The following ZNF385D variants were observed in gnomAD, a reference collection of about 807,000 sequenced individuals.
ZNF385D encodes the protein zinc finger protein 659.
A neutral mutation model predicts 35.8 loss-of-function variants in ZNF385D; 15 were observed. The ratio of observed to expected loss-of-function variants is 0.42; its 90% CI spans 0.28 to 0.64. ZNF385D has a LOEUF of 0.64. ZNF385D is among the 30% of genes least tolerant of loss of function. The pLI is 0.23. For missense variants in ZNF385D, 474 were observed against 494.6 expected (o/e 0.96, Z 0.39); for synonymous variants, 212 against 186.8 (o/e 1.13, Z -1.10).
chr3:21,458,182 A>G (rs1702938787), intron 4 of ZNF385D, among the ~76,000 whole-genome samples: 1 of 152,038 alleles, frequency 6.6e-6, no homozygotes, highest in South Asian at 2.1e-4. Context: ...TAAGAAACAG[A>G]TGAAGAGGGG....
chr3:21,932,651 G>A (rs1329516712), intron 3 of ZNF385D, among the ~76,000 whole-genome samples: 1 of 151,548 alleles, frequency 6.6e-6, no homozygotes, highest in African/African-American at 2.4e-5. Flanking sequence ...AGTTAAGGAG[G>A]TTAAAAAAAC....
At chr3:21,831,693 T>G (rs2125764729) in intron 3 of ZNF385D, among the ~76,000 whole-genome samples, 1 of 152,274 alleles carries the variant, frequency 6.6e-6, no homozygotes, top group South Asian at 2.1e-4. Context: ...CACTGGGGAG[T>G]TAGATCGCTT....
At chr3:21,846,390 A>C (rs545603555) in intron 3 of ZNF385D, among the ~76,000 whole-genome samples, 4 of 152,044 alleles carry the variant, frequency 2.6e-5, no homozygotes, top group Non-Finnish European at 5.9e-5. Flanking sequence ...TTTAAAAAGC[A>C]CTTTCTCATA....
chr3:21,563,483 C>T (rs188046195), intron 3 of ZNF385D, among the ~76,000 whole-genome samples: 3 of 152,074 alleles, frequency 2.0e-5, no homozygotes, highest in Non-Finnish European at 2.9e-5. Context: ...GTTCTTAAGA[C>T]GAAAGCAAAA....
At chr3:21,942,870 CAT>C (rs907418288) in intron 3 of ZNF385D, among the ~76,000 whole-genome samples, 9 of 152,246 alleles carry the variant, frequency 5.9e-5, no homozygotes, top group African/African-American at 2.2e-4. Flanking sequence ...ATCTAAAAAA[CAT>C]AGGATTTCAC....
chr3:21,482,465 C>T (rs1030553670), intron 4 of ZNF385D, among the ~76,000 whole-genome samples: 4 of 152,158 alleles, frequency 2.6e-5, no homozygotes, highest in Non-Finnish European at 5.9e-5. Flanking sequence ...GGTTTAGAGG[C>T]AACCATTCCC....
chr3:22,040,792 G>C (rs1461429163), intron 3 of ZNF385D, among the ~76,000 whole-genome samples: 2 of 152,096 alleles, frequency 1.3e-5, no homozygotes, highest in African/African-American at 4.8e-5. Context: ...CAAATACATT[G>C]ACAGACTAGA....
At chr3:22,264,629 T>C (rs922001539) in intron 2 of ZNF385D, among the ~76,000 whole-genome samples, 4 of 151,976 alleles carry the variant, frequency 2.6e-5, no homozygotes, top group East Asian at 1.9e-4. Context: ...AATATTAATA[T>C]ATATTTACTT....
chr3:21,508,980 T>C (rs1054851359), intron 4 of ZNF385D, among the ~76,000 whole-genome samples: 2 of 146,274 alleles, frequency 1.4e-5, no homozygotes, highest in African/African-American at 5.1e-5. Flanking sequence ...TTTTTTTTTT[T>C]TTCTTTTTCT....
chr3:21,535,883 T>C (rs163488), intron 3 of ZNF385D, among the ~76,000 whole-genome samples: 122,814 of 151,798 alleles, frequency 0.81, 49,928 homozygotes, highest in East Asian at 0.89. Context: ...CTAGTCACCC[T>C]GAGTTTTCTT....
intron 2 of ZNF385D, among the ~76,000 whole-genome samples, chr3:22,194,001 T>C (rs1196641238): frequency 6.6e-6 from 1 of 151,978 alleles, no homozygotes; most frequent in Non-Finnish European, 1.5e-5. Context: ...CTCATAGCTA[T>C]GACAATTTTT....
chr3:22,204,703 T>C (rs1697028611), intron 2 of ZNF385D, among the ~76,000 whole-genome samples: 1 of 151,888 alleles, frequency 6.6e-6, no homozygotes, highest in African/African-American at 2.4e-5. Context: ...ATTCTGGAAT[T>C]GAAAAATGCA....
At chr3:21,482,194 G>A (rs964975426) in intron 4 of ZNF385D, among the ~76,000 whole-genome samples, 2 of 152,094 alleles carry the variant, frequency 1.3e-5, no homozygotes. Flanking sequence ...CATGGGCTAG[G>A]ACATTCACAT....
At chr3:22,331,074 A>C (rs1347114020) in intron 2 of ZNF385D, among the ~76,000 whole-genome samples, 1 of 152,190 alleles carries the variant, frequency 6.6e-6, no homozygotes, top group Non-Finnish European at 1.5e-5. Context: ...TGCAGCAGGG[A>C]ATGTTTATTG....
chr3:22,182,181 A>G (rs1695325748), intron 2 of ZNF385D, among the ~76,000 whole-genome samples: 1 of 152,210 alleles, frequency 6.6e-6, no homozygotes, highest in African/African-American at 2.4e-5. Context: ...TATTATGCAT[A>G]AATACATAAC....
intron 2 of ZNF385D, among the ~76,000 whole-genome samples, chr3:22,228,229 C>T (rs1559465634): frequency 6.6e-6 from 1 of 152,180 alleles, no homozygotes; most frequent in African/African-American, 2.4e-5. Flanking sequence ...AGATGTAATG[C>T]TAATAAAGGC....
At chr3:22,343,696 C>A (rs763338135) in intron 2 of ZNF385D, among the ~76,000 whole-genome samples, 9 of 152,222 alleles carry the variant, frequency 5.9e-5, no homozygotes, top group South Asian at 4.1e-4. Flanking sequence ...TAATAAATTT[C>A]CATCCTGATT....
In ZNF385D at chr3:21,414,316, G is replaced by A. The variant is rs1302085327; in HGVS notation, c.*6898C>T. On this transcript the variant is annotated 3_prime_UTR_variant, in exon 8 of 8. Transcript: ENST00000281523. ...ACTATGACTAAAAATATTCCCCGAAGAAACAATGTTCTTTGCATATAGCTC... is the reference window on the plus strand; with the variant it reads ...ACTATGACTAAAAATATTCCCCGAAAAAACAATGTTCTTTGCATATAGCTC... The A allele has an allele frequency of 1.3e-5, 2 of 151,972 alleles. No individual in the cohort carries two copies. The highest frequency in any genetic ancestry group is 3.9e-4 in the East Asian group (2 of 5,192). 9.4% of individuals were successfully genotyped at this position (151,972 alleles called of 1,614,324 possible). A position where few individuals can be genotyped will look rare whatever the true frequency, so the allele number is the denominator to read the frequency against.
At chr3:22,176,648 G>C (rs758616419) in intron 2 of ZNF385D, among the ~76,000 whole-genome samples, 11 of 152,230 alleles carry the variant, frequency 7.2e-5, no homozygotes, top group Non-Finnish European at 8.8e-5. Context: ...ATACAGAATG[G>C]AACTTTTAAA....
Sources: gnomAD v4.1 joint callset for allele counts (sites outside exome capture counted in the v4.1 genomes callset) on GRCh38, gnomAD v4.1.1 for gene constraint, MANE v1.5 for transcripts, NCBI Gene and HGNC (gene_info 2026-07-23, HGNC 2026-07-21) for gene names.